The following TSHR variants were observed in gnomAD, a reference collection of about 807,000 sequenced individuals.
TSHR encodes the protein thyroid stimulating hormone receptor, also known as thyrotropin receptor.
Under a neutral mutation model 64.1 loss-of-function variants are expected in TSHR, and 51 were observed. The observed-to-expected ratio is 0.80, with a 90% CI of 0.64 to 1.01. The LOEUF (loss-of-function observed/expected upper bound fraction) is 1.01, where lower values mean the gene tolerates loss of function less well. Ranked by LOEUF, TSHR falls within the 50% of genes least tolerant of loss-of-function variation. The pLI is 0.00. For missense variants in TSHR, 877 were observed against 942.8 expected (o/e 0.93, Z 0.91); for synonymous variants, 361 against 361.9 (o/e 1.00, Z 0.03).
chr14:80,990,901 C>T (rs1177964830), intron 1 of TSHR, among the ~76,000 whole-genome samples: 2 of 152,150 alleles, frequency 1.3e-5, no homozygotes, highest in Non-Finnish European at 2.9e-5. Flanking sequence ...GTGATCCACC[C>T]ACCTCGGCCT....
Position 81,143,962 on chromosome 14 carries a change from T to C in TSHR, c.1904T>C (p.Ile635Thr). Reference sequence around the variant, plus strand: ...GCTGTGTTGATCTTCACCGACTTCATATGCATGGCCCCAATCTCATTCTAT... The same window carrying C: ...GCTGTGTTGATCTTCACCGACTTCACATGCATGGCCCCAATCTCATTCTAT... ...RMAVLIFTDF[I>T]CMAPISFYAL... The change falls in exon 10 of 10, where the codon ATA becomes ACA. Residue 635 changes from isoleucine to threonine, a missense_variant. Physicochemically the swap from Ile to Thr is moderately conservative, Grantham distance 89. Transcript: ENST00000298171. 1 of 1,614,200 alleles carries C rather than the reference T, an allele frequency of 6.2e-7. No individual in the cohort carries two copies.
At chr14:81,073,436 G>A (rs1887264093) in intron 3 of TSHR, among the ~76,000 whole-genome samples, 2 of 151,908 alleles carry the variant, frequency 1.3e-5, no homozygotes, top group South Asian at 2.1e-4. Context: ...TCTTTTCAAA[G>A]ACACATGGAA....
At chr14:81,000,592 A>G (rs1156702561) in intron 1 of TSHR, among the ~76,000 whole-genome samples, 1 of 151,156 alleles carries the variant, frequency 6.6e-6, no homozygotes, top group Non-Finnish European at 1.5e-5. Context: ...CTCAGTCTTC[A>G]TGGGTCGCAG....
intron 1 of TSHR, among the ~76,000 whole-genome samples, chr14:80,967,499 G>A (rs1240651757): frequency 6.6e-6 from 1 of 152,000 alleles, no homozygotes; most frequent in East Asian, 1.9e-4. Flanking sequence ...TGGTCAGGCT[G>A]ATCTCGAACT....
At position 81,143,993 on chromosome 14, in the gene TSHR, G is replaced by A. The variant is rs115815771; in HGVS notation, c.1935G>A (p.Leu645=). Reference sequence around the variant, plus strand: ...TGGCCCCAATCTCATTCTATGCTCTGTCAGCAATTCTGAACAAGCCTCTCA... The same window carrying A: ...TGGCCCCAATCTCATTCTATGCTCTATCAGCAATTCTGAACAAGCCTCTCA... The part of the protein sequence containing the change: ...ICMAPISFYA[L]SAILNKPLIT... The change falls in exon 10 of 10, where the codon CTG becomes CTA. Residue 645 remains leucine, a synonymous_variant. Coordinates refer to ENST00000298171, the MANE Select transcript of TSHR (RefSeq NM_000369.5). 737 of 1,614,148 alleles carry A rather than the reference G, an allele frequency of 4.6e-4. 5 individuals are homozygous for A. The African/African-American group carries it at 8.9e-3, about 19-fold the overall frequency.
chr14:80,996,118 CTTATAA>C (rs1159511333), intron 1 of TSHR, among the ~76,000 whole-genome samples: 1 of 152,020 alleles, frequency 6.6e-6, no homozygotes, highest in Non-Finnish European at 1.5e-5. Flanking sequence ...ATGTTGTTCC[CTTATAA>C]TTATAATACA....
At chr14:80,962,320 T>C (rs1316039669) in intron 1 of TSHR, among the ~76,000 whole-genome samples, 1 of 150,186 alleles carries the variant, frequency 6.7e-6, no homozygotes, top group East Asian at 2.1e-4. Flanking sequence ...TACCACAAAC[T>C]GAGTGGCTTA....
intron 1 of TSHR, among the ~76,000 whole-genome samples, chr14:80,997,743 T>C (rs541371266): frequency 6.6e-6 from 1 of 152,352 alleles, no homozygotes; most frequent in East Asian, 1.9e-4. Context: ...AGTTCTATTG[T>C]AAGATTATCC....
intron 8 of TSHR, among the ~76,000 whole-genome samples, chr14:81,121,965 A>C (rs1890813985): frequency 7.3e-6 from 1 of 136,480 alleles, no homozygotes; most frequent in Non-Finnish European, 1.6e-5. Flanking sequence ...GGATTGATAG[A>C]TTATTTGATG....
At chr14:81,127,956 T>C (rs1891083601) in intron 8 of TSHR, among the ~76,000 whole-genome samples, 1 of 152,346 alleles carries the variant, frequency 6.6e-6, no homozygotes, top group South Asian at 2.1e-4. Flanking sequence ...CTTTTGTCAC[T>C]GTGTGGTAGA....
rs751266534 is a variant in TSHR, at chr14:81,143,803, A to T, written c.1745A>T (p.Tyr582Phe). Reference sequence around the variant, plus strand: ...ACCGAGACCCCTCTTGCTCTGGCATATATTGTTTTTGTTCTGACGCTCAAC... The same window carrying T: ...ACCGAGACCCCTCTTGCTCTGGCATTTATTGTTTTTGTTCTGACGCTCAAC... ...MDTETPLALAYIVFVLTLNIV... is the reference protein window; with the variant it reads ...MDTETPLALAFIVFVLTLNIV... Residue 582 changes from tyrosine (Y) to phenylalanine (F), a missense_variant, in exon 10 of 10, where the codon TAT becomes TTT. Tyr to Phe is a conservative substitution (Grantham distance 22). Transcript: ENST00000298171. The T allele has an allele frequency of 1.4e-5, 22 of 1,613,912 alleles. No individual in the cohort carries two copies. The highest frequency in any genetic ancestry group is 1.8e-5 in the Non-Finnish European group (21 of 1,179,986).
Position 80,986,221 on chromosome 14 carries a change from C to T in TSHR, c.170+30371C>T, listed in dbSNP as rs1888438109. On this transcript the variant is annotated intron_variant, in intron 1 of 9. Transcript: ENST00000298171. ...ATGTAGACTTCCAGGAAGTCTTCAT[C>T]TTTCAGTTCCTAGATTATTCATTGC... 2.6e-5 allele frequency among the ~76,000 whole-genome samples: 4 copies of T among 152,156 alleles called. No homozygotes were observed. The South Asian group carries it at 8.3e-4, about 32-fold the overall frequency.
At chr14:81,012,044 C>T (rs1009527214) in intron 1 of TSHR, 9 of 151,994 alleles carry the variant, frequency 5.9e-5, no homozygotes, top group African/African-American at 1.9e-4. Context: ...CACCCACTAA[C>T]TCGTCATCTA....
intron 3 of TSHR, among the ~76,000 whole-genome samples, chr14:81,081,436 G>A (rs141863310): frequency 4.8e-4 from 73 of 152,146 alleles, no homozygotes; most frequent in African/African-American, 1.7e-3. Flanking sequence ...CAGAGCTTCC[G>A]CCCCCTCCCT....
intron 4 of TSHR, among the ~76,000 whole-genome samples, chr14:81,089,037 G>A (rs975295866): frequency 4.0e-5 from 6 of 150,004 alleles, no homozygotes; most frequent in African/African-American, 1.5e-4. Context: ...CCCCAGGCTG[G>A]AGTGCAGTGG....
chr14:81,057,848 T>C (rs1885935795), intron 1 of TSHR, among the ~76,000 whole-genome samples: 1 of 152,198 alleles, frequency 6.6e-6, no homozygotes, highest in South Asian at 2.1e-4. Flanking sequence ...CTCAACTCAG[T>C]ACAATTCAGA....
chr14:81,077,039 CTCTT>C (rs1232642546), intron 3 of TSHR, among the ~76,000 whole-genome samples: 1 of 152,118 alleles, frequency 6.6e-6, no homozygotes, highest in Non-Finnish European at 1.5e-5. Flanking sequence ...CTCTCTCTCT[CTCTT>C]TGCCTAGTTA....
chr14:81,122,319 A>G (rs754377473), intron 8 of TSHR, among the ~76,000 whole-genome samples: 24 of 151,868 alleles, frequency 1.6e-4, no homozygotes, highest in Middle Eastern at 3.2e-3. Flanking sequence ...CTGGGATTAT[A>G]GGTGTGAGCC....
At chr14:81,041,374 T>C (rs1311512537) in intron 1 of TSHR, among the ~76,000 whole-genome samples, 1 of 152,134 alleles carries the variant, frequency 6.6e-6, no homozygotes, top group East Asian at 1.9e-4. Context: ...TGCAGGGACA[T>C]GGATGAAGCT....
Sources: gnomAD v4.1 joint callset for allele counts (sites outside exome capture counted in the v4.1 genomes callset) on GRCh38, gnomAD v4.1.1 for gene constraint, MANE v1.5 for transcripts, NCBI Gene and HGNC (gene_info 2026-07-23, HGNC 2026-07-21) for gene names.